ADGRL3: variants seen among roughly 807,000 people sequenced by gnomAD.
ADGRL3 encodes calcium-independent alpha-latrotoxin receptor 3.
A neutral mutation model predicts 153.5 loss-of-function variants in ADGRL3; 62 were observed. That is an observed-to-expected ratio of 0.40 (90% CI 0.33 to 0.50). The LOEUF is 0.50. ADGRL3 is among the 20% of genes least tolerant of loss of function. The pLI, the probability that ADGRL3 is intolerant of heterozygous loss-of-function variation, is 0.47. For synonymous variants in ADGRL3, 710 were observed against 672.5 expected (o/e 1.06, Z -0.86); for missense variants, 1,641 against 1,859.4 (o/e 0.88, Z 2.16).
At chr4:61,968,455 T>C (rs1439312357) in intron 17 of ADGRL3, among the ~76,000 whole-genome samples, 2 of 152,184 alleles carry the variant, frequency 1.3e-5, no homozygotes, top group African/African-American at 4.8e-5. Context: ...TTCTCATCTG[T>C]CATATATTTA....
In ADGRL3 at chr4:61,644,443, C is replaced by T. The variant is rs186628967; in HGVS notation, c.474-32383C>T. ...TGGGCATTTAGCGCTATAAATTTCC[C>T]TATACACACTGCTTTGAATGCGTCC... On this transcript the variant is annotated intron_variant, in intron 5 of 26. Coordinates refer to ENST00000683033, the MANE Select transcript of ADGRL3 (RefSeq NM_001387552.1). 2.4e-3 allele frequency among the ~76,000 whole-genome samples: 365 copies of T among 152,256 alleles called. 2 individuals are homozygous for T. The highest frequency in any genetic ancestry group is 8.3e-3 in the African/African-American group (345 of 41,542).
intron 5 of ADGRL3, among the ~76,000 whole-genome samples, chr4:61,655,547 T>A (rs1417084335): frequency 6.6e-6 from 1 of 152,170 alleles, no homozygotes; most frequent in Non-Finnish European, 1.5e-5. Flanking sequence ...CACTTACACT[T>A]GGAAAAAATT....
At chr4:61,530,232 G>A (rs1236355549) in intron 4 of ADGRL3, among the ~76,000 whole-genome samples, 1 of 151,770 alleles carries the variant, frequency 6.6e-6, no homozygotes, top group Non-Finnish European at 1.5e-5. Context: ...TAGAAGGGTA[G>A]TGAAGAAAAT....
chr4:61,751,490 TCTGAATTACAAAG>T (rs1182311994), intron 8 of ADGRL3, among the ~76,000 whole-genome samples: 2 of 151,720 alleles, frequency 1.3e-5, no homozygotes, highest in Non-Finnish European at 2.9e-5. Context: ...TGGGCCCAAT[TCTGAATTACAAAG>T]CTGAAATACT....
chr4:61,220,332 A>G (rs1744907043), intron 1 of ADGRL3, among the ~76,000 whole-genome samples: 1 of 152,258 alleles, frequency 6.6e-6, no homozygotes, highest in East Asian at 1.9e-4. Flanking sequence ...TGTTTGTCTC[A>G]TGATACTTAG....
intron 8 of ADGRL3, among the ~76,000 whole-genome samples, chr4:61,778,226 G>A (rs2097175090): frequency 6.6e-6 from 1 of 152,150 alleles, no homozygotes; most frequent in Admixed American, 6.5e-5. Context: ...CCATCCCCAA[G>A]ATATCTCAAA....
chr4:61,238,064 T>C (rs1753501911), intron 1 of ADGRL3, among the ~76,000 whole-genome samples: 1 of 152,168 alleles, frequency 6.6e-6, no homozygotes, highest in Non-Finnish European at 1.5e-5. Flanking sequence ...ATGTCTTCAT[T>C]TGAATGGTAA....
intron 5 of ADGRL3, among the ~76,000 whole-genome samples, chr4:61,605,639 T>A (rs2099029644): frequency 3.3e-5 from 5 of 152,182 alleles, no homozygotes; most frequent in Admixed American, 3.3e-4. Context: ...ATTTCAAACT[T>A]AACATATAAG....
rs184919138 is a variant in ADGRL3 at position 62,068,036 on chromosome 4, G to A, written c.3815-130G>A. ...GTAACCCAGACTCATGAATTTTGGG[G>A]CAGTGGAAATTATTTCCTTTGACTC... On this transcript the variant is annotated intron_variant, in intron 25 of 26. Transcript: ENST00000683033. The A allele has an allele frequency of 2.8e-3, 1,434 of 509,832 alleles. 7 individuals carry two copies. The highest frequency in any genetic ancestry group is 3.9e-3 in the Non-Finnish European group (1,146 of 290,582). The allele number at this position is 509,832 out of a possible 1,614,324, so 31.6% of individuals were successfully genotyped here.
chr4:61,919,737 A>G (rs940570589), intron 13 of ADGRL3, among the ~76,000 whole-genome samples: 1 of 152,214 alleles, frequency 6.6e-6, no homozygotes, highest in Non-Finnish European at 1.5e-5. Context: ...GATGTTGATC[A>G]TGGAGATTCT....
At chr4:61,987,228 C>T (rs900139006) in intron 19 of ADGRL3, among the ~76,000 whole-genome samples, 7 of 151,286 alleles carry the variant, frequency 4.6e-5, no homozygotes, top group Non-Finnish European at 7.4e-5. Context: ...TGCAATGGCA[C>T]GATCTTGGCT....
At chr4:61,951,398 T>C (rs1353474917) in intron 17 of ADGRL3, among the ~76,000 whole-genome samples, 2 of 152,142 alleles carry the variant, frequency 1.3e-5, no homozygotes, top group Non-Finnish European at 2.9e-5. Flanking sequence ...GGTTGGGGGC[T>C]CTCTTTCCAG....
At chr4:62,019,584 T>C (rs2099228572) in intron 21 of ADGRL3, among the ~76,000 whole-genome samples, 1 of 152,154 alleles carries the variant, frequency 6.6e-6, no homozygotes, top group Non-Finnish European at 1.5e-5. Flanking sequence ...GAAGATTATC[T>C]TTCAATTTCT....
At chr4:61,615,005 T>A (rs2091836388) in intron 5 of ADGRL3, among the ~76,000 whole-genome samples, 1 of 152,138 alleles carries the variant, frequency 6.6e-6, no homozygotes, top group Non-Finnish European at 1.5e-5. Flanking sequence ...TGTATTGTTC[T>A]TCTTTCTCAC....
intron 2 of ADGRL3, among the ~76,000 whole-genome samples, chr4:61,461,040 A>T (rs1234008724): frequency 1.3e-5 from 2 of 152,210 alleles, no homozygotes; most frequent in Admixed American, 1.3e-4. Flanking sequence ...AGTGCACTCC[A>T]GCCTGGGTGA....
chr4:61,913,278 C>T (rs532700692), intron 13 of ADGRL3, among the ~76,000 whole-genome samples: 10 of 152,154 alleles, frequency 6.6e-5, no homozygotes, highest in South Asian at 2.1e-4. Context: ...TACTTTGTTT[C>T]GGCTGACATG....
intron 10 of ADGRL3, 44 bp from the exon 11 acceptor site, chr4:61,895,687 C>T: frequency 1.0e-6 from 1 of 1,002,808 alleles, no homozygotes; most frequent in Non-Finnish European, 1.5e-6. Flanking sequence ...GATGTGAAGT[C>T]ATTCTAAGAA....
Position 61,676,935 on chromosome 4 carries a change from A to C in ADGRL3, c.583A>C (p.Lys195Gln). 1.3e-6 allele frequency: 2 copies of C among 1,575,782 alleles called. No individual in the cohort carries two copies. Among genetic ancestry groups the C allele is most frequent in the Non-Finnish European group, 1.7e-6 (2 of 1,145,520 alleles). ...AGTGCAGTATGAATGTGTCCCTTAC[A>C]GTATGTATATTCCTATACTTTTCTT... ...LEVQYECVPYKVEQKVFLCPG... is the reference protein window; with the variant it reads ...LEVQYECVPYQVEQKVFLCPG... The change falls in exon 6 of 27, where the codon AAA (lysine) becomes CAA (glutamine). Residue 195 changes from lysine (K) to glutamine (Q), a missense_variant and splice_region_variant. By Grantham distance (53) the Lys-to-Gln change is moderately conservative. Transcript: ENST00000683033.
At chr4:61,961,471 G>A (rs1032278648) in intron 17 of ADGRL3, among the ~76,000 whole-genome samples, 1 of 152,142 alleles carries the variant, frequency 6.6e-6, no homozygotes, top group African/African-American at 2.4e-5. Flanking sequence ...TGCATTTCCT[G>A]TTATAAAACA....
Sources: gnomAD v4.1 joint callset for allele counts (sites outside exome capture counted in the v4.1 genomes callset) on GRCh38, gnomAD v4.1.1 for gene constraint, MANE v1.5 for transcripts, NCBI Gene and HGNC (gene_info 2026-07-23, HGNC 2026-07-21) for gene names.